Variants in ARHGEF10 observed in about 807,000 individuals in gnomAD.
The protein encoded by ARHGEF10 is Rho guanine nucleotide exchange factor (GEF) 10.
A neutral mutation model predicts 147.4 loss-of-function variants in ARHGEF10; 140 were observed. That is an observed-to-expected ratio of 0.95 (90% CI 0.83 to 1.09). The LOEUF (loss-of-function observed/expected upper bound fraction) is 1.09. Among genes scored for constraint, ARHGEF10 ranks in the 50% least tolerant of loss-of-function variants. The probability of loss-of-function intolerance (pLI) is 0.00; values close to 1 mark genes in which losing one functional copy is unlikely to be tolerated. For synonymous variants in ARHGEF10, 902 were observed against 695.8 expected (o/e 1.30, Z -4.67); for missense variants, 2,222 against 1,752.7 (o/e 1.27, Z -4.78).
intron 22 of ARHGEF10, among the ~76,000 whole-genome samples, chr8:1,926,044 A>T (rs113302111): frequency 0.058 from 8,893 of 152,236 alleles, 406 homozygotes; most frequent in Non-Finnish European, 0.082. Flanking sequence ...AGGGAAGGGG[A>T]GAGGCACAGG....
At chr8:1,871,263 C>T (rs1444436597) in intron 7 of ARHGEF10, 2 of 150,898 alleles carry the variant, frequency 1.3e-5, no homozygotes, top group East Asian at 3.9e-4. Flanking sequence ...AAAAAATTAA[C>T]TATATAGTAT....
intron 27 of ARHGEF10, among the ~76,000 whole-genome samples, chr8:1,946,455 G>C (rs1462879483): frequency 1.3e-5 from 2 of 152,196 alleles, no homozygotes; most frequent in Non-Finnish European, 2.9e-5. Context: ...TGCAGGGCCG[G>C]TTTCTGGGAG....
Position 1,956,860 on chromosome 8 carries a change from G to A in ARHGEF10, c.3632G>A (p.Gly1211Asp). 6.2e-7 allele frequency: 1 copy of A among 1,614,018 alleles called. No homozygotes were observed. The highest frequency in any genetic ancestry group is 8.5e-7 in the Non-Finnish European group (1 of 1,180,032). ...KDKSRDSLAP[G>D]PEPQDEDQKD... ...AAATCCAGGGACAGCCTGGCTCCTG[G>A]CCCCGAGCCTCAGGACGAAGACCAG... Residue 1211 changes from glycine (G) to aspartate (D), a missense_variant, in exon 29 of 29, where the codon GGC becomes GAC. Physicochemically the swap from Gly to Asp is moderately conservative, Grantham distance 94 (BLOSUM62 -1). Transcript: ENST00000349830.
At chr8:1,922,923 T>C (rs574076802) in intron 18 of ARHGEF10, 41 bp from the exon 19 acceptor site, 26 of 1,431,238 alleles carry the variant, frequency 1.8e-5, no homozygotes, top group Admixed American at 3.4e-5. Flanking sequence ...AATATGGCTT[T>C]ACCTTTGTAT....
chr8:1,955,903 C>G (rs771071879), intron 28 of ARHGEF10, among the ~76,000 whole-genome samples: 3 of 152,252 alleles, frequency 2.0e-5, no homozygotes, highest in Non-Finnish European at 2.9e-5. Context: ...CACAGTCCCC[C>G]CAGCTCCTGC....
At position 1,881,361 on chromosome 8, in the gene ARHGEF10, C is replaced by T. The variant is rs140735198; in HGVS notation, c.960+1197C>T. Reference sequence around the variant, plus strand: ...CTCTGTCCGGGGACCCTGAACGGCGCTGGCTGAAAACCAAGGGTTCACAGC... The same window carrying T: ...CTCTGTCCGGGGACCCTGAACGGCGTTGGCTGAAAACCAAGGGTTCACAGC... On this transcript the variant is annotated intron_variant, in intron 9 of 28. Transcript: ENST00000349830. Among the ~76,000 whole-genome samples, 45 of 152,262 alleles carry T rather than the reference C, an allele frequency of 3.0e-4. 1 individual carries two copies. In the East Asian group the frequency reaches 7.4e-3, roughly 25 times the overall value.
rs191255451 is a variant in ARHGEF10, at chr8:1,837,724, A to G, written c.-47-5629A>G. Reference sequence around the variant, plus strand: ...CCACTTGCTCACCACCTTTGAGAACAGAGCGTGGGTTACCAGGGGAGGGCG... The same window carrying G: ...CCACTTGCTCACCACCTTTGAGAACGGAGCGTGGGTTACCAGGGGAGGGCG... On this transcript the variant is annotated intron_variant, in intron 1 of 28. Coordinates refer to ENST00000349830, the MANE Select transcript of ARHGEF10 (RefSeq NM_014629.4). Among the ~76,000 whole-genome samples, 53 of 151,730 alleles carry G rather than the reference A, an allele frequency of 3.5e-4. No individual in the cohort carries two copies. In the East Asian group the frequency reaches 9.5e-3, roughly 27 times the overall value.
chr8:1,826,082 G>T, intron 1 of ARHGEF10: 1 of 1,591,426 alleles, frequency 6.3e-7, no homozygotes, highest in Non-Finnish European at 8.5e-7. Flanking sequence ...AACATCGGCA[G>T]TTACGGATGC....
intron 1 of ARHGEF10, among the ~76,000 whole-genome samples, chr8:1,829,034 G>T (rs1169975885): frequency 6.6e-6 from 1 of 152,258 alleles, no homozygotes; most frequent in African/African-American, 2.4e-5. Context: ...CACGGACGGG[G>T]AGTCCTCGAG....
intron 14 of ARHGEF10, 124 bp downstream of exon 14, chr8:1,896,573 G>A: frequency 1.3e-6 from 1 of 757,848 alleles, no homozygotes; most frequent in Non-Finnish European, 2.3e-6. Context: ...CCTAGATATT[G>A]GATTAATGCT....
At position 1,882,600 on chromosome 8, in the gene ARHGEF10, G is replaced by A. The variant is rs753092488; in HGVS notation, c.961-35G>A. 34 of 1,527,332 alleles carry A rather than the reference G, an allele frequency of 2.2e-5. No homozygotes were observed. The Admixed American group carries it at 4.7e-4, about 21-fold the overall frequency. The allele number at this position is 1,527,332 out of a possible 1,614,324, so 94.6% of individuals were successfully genotyped here. On this transcript the variant is annotated intron_variant, in intron 9 of 28. Coordinates refer to ENST00000349830, the MANE Select transcript of ARHGEF10 (RefSeq NM_014629.4). The stretch of plus-strand genomic sequence containing the variant: ...ATGAAAGTCGCAGGTGGGTTCTGCC[G>A]CCGTCCCGTTCTCACATCTCCCTCT...
intron 6 of ARHGEF10, among the ~76,000 whole-genome samples, 200 bp downstream of exon 6, chr8:1,866,802 C>A (rs898342518): frequency 2.0e-5 from 3 of 152,210 alleles, no homozygotes; most frequent in Non-Finnish European, 4.4e-5. Context: ...GTGAGGCCAC[C>A]CCAGCTCTCC....
chr8:1,945,721 C>A lies in ARHGEF10; in HGVS notation c.3397+66C>A, dbSNP rs73546707. 0.081 allele frequency: 129,352 copies of A among 1,596,050 alleles called. 5,951 individuals are homozygous for A. Among genetic ancestry groups the A allele is most frequent in the African/African-American group, 0.16 (11,833 of 74,560 alleles). On this transcript the variant is annotated intron_variant, in intron 27 of 28. Transcript: ENST00000349830. ...GGGGACGGACGTGGGGGGTGCGGAG[C>A]GCTGTCAGCCCACCTTAGCGCTTCC...
chr8:1,878,019 T>G (rs1262939053), intron 8 of ARHGEF10, among the ~76,000 whole-genome samples: 1 of 152,062 alleles, frequency 6.6e-6, no homozygotes, highest in African/African-American at 2.4e-5. Flanking sequence ...CCTACAATTC[T>G]CATATTCTGT....
At chr8:1,893,996 A>C (rs954756123) in intron 12 of ARHGEF10, among the ~76,000 whole-genome samples, 2 of 152,006 alleles carry the variant, frequency 1.3e-5, no homozygotes, top group African/African-American at 4.8e-5. Context: ...CAACACAGTG[A>C]CTCTCCATCT....
rs558571193 is a variant in ARHGEF10, at chr8:1,950,979, G to A, written c.3398-1726G>A. Among the ~76,000 whole-genome samples, 3 of 152,264 alleles carry A rather than the reference G, an allele frequency of 2.0e-5. No homozygotes were observed. The South Asian group carries it at 6.2e-4, about 32-fold the overall frequency. The stretch of plus-strand genomic sequence containing the variant: ...ACGCAGCCGCAGCCTTGCCCGGCAC[G>A]CAGGTGGGGCTTCTCCCCTTCCCAG... On this transcript the variant is annotated intron_variant, in intron 27 of 28. Transcript: ENST00000349830.
intron 26 of ARHGEF10, among the ~76,000 whole-genome samples, chr8:1,938,080 A>G (rs1376004163): frequency 1.3e-5 from 2 of 152,192 alleles, no homozygotes; most frequent in East Asian, 3.9e-4. Context: ...TCAGGAGCAG[A>G]TGGGAAGACA....
intron 15 of ARHGEF10, among the ~76,000 whole-genome samples, chr8:1,900,179 G>C (rs1343032781): frequency 2.0e-5 from 3 of 152,180 alleles, no homozygotes; most frequent in Admixed American, 2.0e-4. Flanking sequence ...AAGTAAGTAA[G>C]TAAGTAACTA....
intron 7 of ARHGEF10, 48 bp downstream of exon 7, chr8:1,869,298 T>G (rs191992619): frequency 6.5e-7 from 1 of 1,529,936 alleles, no homozygotes; most frequent in Non-Finnish European, 9.1e-7. Flanking sequence ...CTCAGCAGCC[T>G]TTCCCTCTGG....
Sources: gnomAD v4.1 joint callset for allele counts (sites outside exome capture counted in the v4.1 genomes callset) on GRCh38, gnomAD v4.1.1 for gene constraint, MANE v1.5 for transcripts, NCBI Gene and HGNC (gene_info 2026-07-23, HGNC 2026-07-21) for gene names.